The following USP7 variants were observed in gnomAD, a reference collection of about 807,000 sequenced individuals.
USP7 encodes ubiquitin C-terminal hydrolase 7.
USP7 carries 9 observed loss-of-function variants against 162.9 expected under a neutral mutation model. That is an observed-to-expected ratio of 0.06 (90% CI 0.03 to 0.10). The LOEUF is 0.10. USP7 is among the 10% of genes least tolerant of loss of function. The pLI, the probability that USP7 is intolerant of heterozygous loss-of-function variation, is 1.00. For missense variants in USP7, 715 were observed against 1,373.7 expected (o/e 0.52, Z 7.58); for synonymous variants, 562 against 475.9 (o/e 1.18, Z -2.35).
At chr16:8,956,770 C>A (rs78412750) in intron 1 of USP7, among the ~76,000 whole-genome samples, 6,489 of 130,490 alleles carry the variant, frequency 0.05, 406 homozygotes, top group African/African-American at 0.14. Flanking sequence ...ATTAAAAAAA[C>A]AAAAACAAAA....
intron 1 of USP7, among the ~76,000 whole-genome samples, chr16:8,941,834 A>G (rs1248239117): frequency 6.6e-6 from 1 of 152,194 alleles, no homozygotes; most frequent in East Asian, 1.9e-4. Flanking sequence ...GGCTGGGCCC[A>G]GGGTTCGGCA....
intron 10 of USP7, 44 bp from the exon 11 acceptor site, chr16:8,910,871 T>C: frequency 8.0e-6 from 12 of 1,496,796 alleles, no homozygotes; most frequent in Non-Finnish European, 1.1e-5. Flanking sequence ...AAGCTTCATT[T>C]ATAATGTAGC....
intron 2 of USP7, among the ~76,000 whole-genome samples, chr16:8,929,724 C>T (rs898998333): frequency 1.2e-4 from 18 of 152,002 alleles, no homozygotes; most frequent in South Asian, 4.1e-4. Context: ...GGAATGGTCT[C>T]GGAAGAAAAA....
chr16:8,919,345 C>G (rs1316948500), intron 5 of USP7, among the ~76,000 whole-genome samples: 1 of 151,986 alleles, frequency 6.6e-6, no homozygotes, highest in Admixed American at 6.6e-5. Context: ...TTCGCACAGC[C>G]CTCGAAGCAC....
At chr16:8,951,717 CTTTTCACA>C (rs1899561604) in intron 1 of USP7, among the ~76,000 whole-genome samples, 1 of 152,220 alleles carries the variant, frequency 6.6e-6, no homozygotes, top group African/African-American at 2.4e-5. Flanking sequence ...AGACTCAGGC[CTTTTCACA>C]TTTAAATCTC....
intron 2 of USP7, among the ~76,000 whole-genome samples, chr16:8,926,690 G>A (rs1012675279): frequency 3.3e-5 from 5 of 152,136 alleles, no homozygotes; most frequent in Non-Finnish European, 7.3e-5. Context: ...TATTAGCAAG[G>A]ACACCCACAT....
chr16:8,919,753 C>T (rs1403447550), intron 5 of USP7, among the ~76,000 whole-genome samples: 2 of 151,218 alleles, frequency 1.3e-5, no homozygotes, highest in East Asian at 1.9e-4. Context: ...CCCACCTCCA[C>T]GCCCATCTCC....
chr16:8,962,860 C>G (rs940565498), intron 1 of USP7: 2 of 155,682 alleles, frequency 1.3e-5, no homozygotes, highest in African/African-American at 4.8e-5. Flanking sequence ...CGCCCCAGAA[C>G]GGGGACGGTC....
chr16:8,895,983 C>G (rs149269124), intron 26 of USP7, among the ~76,000 whole-genome samples: 7 of 151,960 alleles, frequency 4.6e-5, no homozygotes, highest in Middle Eastern at 6.9e-3. Context: ...ACTACAGGTG[C>G]GTGCCACCAC....
At chr16:8,899,040 T>C (rs769338393) in intron 23 of USP7, 81 bp downstream of exon 23, 18 of 1,443,498 alleles carry the variant, frequency 1.2e-5, no homozygotes, top group Non-Finnish European at 1.7e-5. Context: ...AGCTAATTAT[T>C]AAAATTAGTT....
At chr16:8,924,138 A>C (rs1287489287) in intron 2 of USP7, among the ~76,000 whole-genome samples, 1 of 152,228 alleles carries the variant, frequency 6.6e-6, no homozygotes, top group Non-Finnish European at 1.5e-5. Flanking sequence ...GTCCAACTGA[A>C]GGTCTCCATT....
At chr16:8,924,809 T>G (rs1380051406) in intron 2 of USP7, among the ~76,000 whole-genome samples, 1 of 152,242 alleles carries the variant, frequency 6.6e-6, no homozygotes, top group Non-Finnish European at 1.5e-5. Context: ...GGTAAGCACT[T>G]CTACCTTCTT....
chr16:8,910,848 A>G, intron 10 of USP7, 21 bp from the exon 11 acceptor site: 1 of 1,591,780 alleles, frequency 6.3e-7, no homozygotes, highest in Non-Finnish European at 8.6e-7. Flanking sequence ...AGAGAGAGAA[A>G]AGTCAAGTGC....
At chr16:8,932,470 T>C (rs1230625613) in intron 1 of USP7, among the ~76,000 whole-genome samples, 2 of 150,854 alleles carry the variant, frequency 1.3e-5, no homozygotes, top group South Asian at 2.1e-4. Context: ...CCCTAGACCA[T>C]CATGTCTTGA....
At chr16:8,894,279 G>A (rs999266653) in intron 30 of USP7, among the ~76,000 whole-genome samples, 175 bp from the exon 31 acceptor site, 1 of 152,260 alleles carries the variant, frequency 6.6e-6, no homozygotes, top group African/African-American at 2.4e-5. Context: ...CCCTGACTGC[G>A]CCTCAGAGCC....
At chr16:8,927,802 C>T (rs1308874262) in intron 2 of USP7, among the ~76,000 whole-genome samples, 1 of 152,194 alleles carries the variant, frequency 6.6e-6, no homozygotes, top group Non-Finnish European at 1.5e-5. Flanking sequence ...TGCCACTGTA[C>T]TCTAGCCTGG....
Position 8,915,539 on chromosome 16 carries a change from T to A in USP7, c.907-14A>T, listed in dbSNP as rs527382597. The A allele has an allele frequency of 5.6e-6, 9 of 1,611,130 alleles. No homozygotes were observed. In the South Asian group the frequency reaches 1.0e-4, roughly 18 times the overall value. ...ATTATCGAGCAACTGAAAAAGAATG[T>A]TTTGGCTTTAAAAAAACTTTTTTGT... On this transcript the variant is annotated splice_polypyrimidine_tract_variant and intron_variant, in intron 8 of 30. Transcript: ENST00000344836.
At chr16:8,951,367 C>G (rs943730831) in intron 1 of USP7, among the ~76,000 whole-genome samples, 1 of 152,242 alleles carries the variant, frequency 6.6e-6, no homozygotes, top group African/African-American at 2.4e-5. Flanking sequence ...CTTGTGAAAG[C>G]TGTCATCTTA....
intron 1 of USP7, among the ~76,000 whole-genome samples, chr16:8,961,415 C>T (rs1596423546): frequency 6.7e-6 from 1 of 148,348 alleles, no homozygotes; most frequent in East Asian, 2.0e-4. Flanking sequence ...TCGCTTGAAC[C>T]CGGGAGACGG....
Sources: allele counts gnomAD v4.1 joint callset (sites outside exome capture counted in the v4.1 genomes callset), GRCh38; gene constraint gnomAD v4.1.1; transcripts MANE v1.5; gene names NCBI Gene and HGNC (gene_info 2026-07-23, HGNC 2026-07-21).